The following CASP2 variants were observed in gnomAD, a reference collection of about 807,000 sequenced individuals.
CASP2 encodes caspase 2.
Under a neutral mutation model 54.4 loss-of-function variants are expected in CASP2, and 38 were observed. The observed-to-expected ratio is 0.70, with a 90% CI of 0.54 to 0.92. CASP2 has a LOEUF of 0.92. Among genes scored for constraint, CASP2 ranks in the 40% least tolerant of loss-of-function variants. The pLI, the probability that CASP2 is intolerant of heterozygous loss-of-function variation, is 0.00. For missense variants in CASP2, 512 were observed against 579.6 expected (o/e 0.88, Z 1.20); for synonymous variants, 215 against 216.3 (o/e 0.99, Z 0.05).
At chr7:143,294,556 T>C in intron 5 of CASP2, 41 bp from the exon 6 acceptor site, 1 of 1,580,234 alleles carries the variant, frequency 6.3e-7, no homozygotes, top group Non-Finnish European at 8.7e-7. Flanking sequence ...GAATCATCTG[T>C]TATCAAGACG....
At chr7:143,304,014 G>A in intron 9 of CASP2, 81 bp downstream of exon 9, 2 of 1,309,694 alleles carry the variant, frequency 1.5e-6, no homozygotes, top group African/African-American at 1.5e-5. Flanking sequence ...TACAGGTTGA[G>A]TATCCCTTAT....
At chr7:143,292,254 A>G in intron 2 of CASP2, 46 bp from the exon 3 acceptor site, 1 of 1,591,858 alleles carries the variant, frequency 6.3e-7, no homozygotes. Flanking sequence ...ATAGAATTAT[A>G]GCTAGAGAAG....
intron 1 of CASP2, chr7:143,289,736 GT>G: frequency 4.9e-6 from 2 of 407,698 alleles, no homozygotes; most frequent in Non-Finnish European, 6.6e-6. Flanking sequence ...TCTTAAATAG[GT>G]TTTTTTATTT....
chr7:143,298,381 G>A (rs1801818078), intron 6 of CASP2: 1 of 152,132 alleles, frequency 6.6e-6, no homozygotes, highest in Non-Finnish European at 1.5e-5. Flanking sequence ...AATTATAGAG[G>A]GAGGCATAGG....
At chr7:143,290,104 A>G (rs1586450950) in intron 1 of CASP2, among the ~76,000 whole-genome samples, 1 of 123,136 alleles carries the variant, frequency 8.1e-6, no homozygotes, top group Non-Finnish European at 1.6e-5. Flanking sequence ...TGTGTCACCC[A>G]GGCTGGAGTG....
chr7:143,289,561 C>T (rs1224542960), intron 1 of CASP2: 2 of 918,558 alleles, frequency 2.2e-6, no homozygotes, highest in Non-Finnish European at 2.6e-6. Flanking sequence ...AGAGAGAAGA[C>T]TCCCAAAGAA....
intron 8 of CASP2, chr7:143,302,817 G>A (rs908116590): frequency 6.6e-6 from 1 of 152,204 alleles, no homozygotes; most frequent in African/African-American, 2.4e-5. Context: ...TCAAAAATAA[G>A]AGTCTGTCTT....
chr7:143,295,084 A>G (rs1042137515), intron 6 of CASP2, among the ~76,000 whole-genome samples: 9 of 151,600 alleles, frequency 5.9e-5, no homozygotes, highest in Middle Eastern at 3.4e-3. Context: ...CTGGAGTGCA[A>G]TGGCACGATC....
intron 8 of CASP2, chr7:143,300,744 A>C: frequency 2.5e-6 from 3 of 1,188,164 alleles, no homozygotes; most frequent in South Asian, 1.6e-5. Flanking sequence ...CTACACTTCC[A>C]TGCTTGCCTC....
chr7:143,298,416 A>G (rs1235643892), intron 6 of CASP2: 1 of 152,228 alleles, frequency 6.6e-6, no homozygotes, highest in Non-Finnish European at 1.5e-5. Flanking sequence ...CCCAATTATT[A>G]TGCTCTTTAG....
chr7:143,289,729 T>C lies in CASP2; in HGVS notation c.74+1200T>C, dbSNP rs201330542. On this transcript the variant is annotated intron_variant, in intron 1 of 10. Coordinates refer to ENST00000310447, the MANE Select transcript of CASP2 (RefSeq NM_032982.4). ...GACGTATTCGAAAGTGATTCATTCTTAAATAGGTTTTTTTATTTGTATAGC... is the reference window on the plus strand; with the variant it reads ...GACGTATTCGAAAGTGATTCATTCTCAAATAGGTTTTTTTATTTGTATAGC... The C allele has an allele frequency of 4.1e-4, 183 of 446,552 alleles. No individual in the cohort carries two copies. The East Asian group carries it at 0.024, about 58-fold the overall frequency. The allele number at this position is 446,552 out of a possible 1,614,324, so 27.7% of individuals were successfully genotyped here. A position where few individuals can be genotyped will look rare whatever the true frequency, so the allele number is the denominator to read the frequency against.
chr7:143,304,056 T>A, intron 9 of CASP2, 123 bp downstream of exon 9: 1 of 1,006,986 alleles, frequency 9.9e-7, no homozygotes, highest in Non-Finnish European at 1.5e-6. Flanking sequence ...TGTTTCAGAT[T>A]TTGGATTTTT....
chr7:143,299,932 G>A lies in CASP2; in HGVS notation c.757G>A (p.Glu253Lys), dbSNP rs758747020. ...CATTCCTTTCTTTTAGGAAATGCAA[G>A]AGAAACTGCAGAATTTTGCACAGTT... ...LCDQTAQEMQ[E>K]KLQNFAQLPA... The change falls in exon 7 of 11, where the codon GAG becomes AAG. Residue 253 changes from glutamate (E) to lysine (K), a missense_variant. Coordinates refer to ENST00000310447, the MANE Select transcript of CASP2 (RefSeq NM_032982.4). 1 of 1,614,168 alleles carries A rather than the reference G, an allele frequency of 6.2e-7. No homozygotes were observed. Among genetic ancestry groups the A allele is most frequent in the African/African-American group, 1.3e-5 (1 of 75,046 alleles).
In CASP2 at chr7:143,290,739, G is replaced by C. The variant is rs997179142; in HGVS notation, c.75-801G>C. ...CAGTCACGTGTCCACATTAAGTTCA[G>C]CATCAGTGTGGTGATGTCCTGGGAG... On this transcript the variant is annotated intron_variant, in intron 1 of 10. Coordinates refer to ENST00000310447, the MANE Select transcript of CASP2 (RefSeq NM_032982.4). 2.0e-5 allele frequency: 3 copies of C among 152,284 alleles called. 1 individual carries two copies. The highest frequency in any genetic ancestry group is 1.3e-4 in the Admixed American group (2 of 15,266). 9.4% of individuals were successfully genotyped at this position (152,284 alleles called of 1,614,324 possible).
At chr7:143,298,057 C>T (rs1053703748) in intron 6 of CASP2, among the ~76,000 whole-genome samples, 5 of 152,310 alleles carry the variant, frequency 3.3e-5, no homozygotes, top group Middle Eastern at 3.4e-3. Flanking sequence ...CAATTAGTAG[C>T]TCTCAAACTT....
At position 143,294,774 on chromosome 7, in the gene CASP2, G is replaced by C; in HGVS notation, c.747+1G>C. ...TGTTCTATGTGACCAGACTGCACAG[G>C]TACCTGAGGTGGGAAAAATTGACAT... is the stretch of plus-strand genomic sequence containing the variant. On this transcript the variant is annotated splice_donor_variant, in intron 6 of 10. Transcript: ENST00000310447. LOFTEE classifies it high-confidence loss of function. 1 of 1,613,460 alleles carries C rather than the reference G, an allele frequency of 6.2e-7. No individual in the cohort carries two copies. The highest frequency in any genetic ancestry group is 8.5e-7 in the Non-Finnish European group (1 of 1,179,526).
rs774999654 is a variant in CASP2 at position 143,292,306 on chromosome 7, G to A, written c.232G>A (p.Val78Met). The A allele has an allele frequency of 1.2e-6, 2 of 1,614,072 alleles. No homozygotes were observed. Among genetic ancestry groups the A allele is most frequent in the South Asian group, 1.1e-5 (1 of 91,084 alleles). The stretch of plus-strand genomic sequence containing the variant: ...TTTTATTCTTGTGTCTTAGGCCAAA[G>A]TGGGCAGTTTCAGCCAGAATGTGGA... ...LEMRELIQAK[V>M]GSFSQNVELL... The change falls in exon 3 of 11, where the codon GTG becomes ATG. Residue 78 changes from valine (V) to methionine (M), a missense_variant. This residue lies in a region of CASP2 where 417 missense variants were observed against 495.4 expected (regional missense o/e 0.84). Transcript: ENST00000310447.
At chr7:143,288,627 C>G (rs1421463252) in intron 1 of CASP2, 98 bp downstream of exon 1, 2 of 1,141,856 alleles carry the variant, frequency 1.8e-6, no homozygotes, top group African/African-American at 3.1e-5. Flanking sequence ...CCTCGGAGCC[C>G]CGGAAAGCAG....
At chr7:143,294,855 C>G (rs1801695276) in intron 6 of CASP2, 82 bp downstream of exon 6, 2 of 1,230,914 alleles carry the variant, frequency 1.6e-6, no homozygotes, top group Non-Finnish European at 2.3e-6. Context: ...TGTTCCTGTG[C>G]CTGCTGGGAT....
Sources: gnomAD v4.1 joint callset for allele counts (sites outside exome capture counted in the v4.1 genomes callset) on GRCh38, gnomAD v4.1.1 for gene constraint, gnomAD v4.1.1 regional missense constraint, MANE v1.5 for transcripts, NCBI Gene and HGNC (gene_info 2026-07-23, HGNC 2026-07-21) for gene names.